TMEM132C: variants seen among roughly 807,000 people sequenced by gnomAD.
The protein encoded by TMEM132C is protein phosphatase 1, regulatory subunit 152.
Under a neutral mutation model 61.4 loss-of-function variants are expected in TMEM132C, and 29 were observed. That is an observed-to-expected ratio of 0.47 (90% CI 0.35 to 0.64). TMEM132C has a LOEUF of 0.64. TMEM132C is among the 30% of genes least tolerant of loss of function. TMEM132C has a pLI of 0.00. For synonymous variants in TMEM132C, 656 were observed against 633.1 expected (o/e 1.04, Z -0.54); for missense variants, 1,408 against 1,476.9 (o/e 0.95, Z 0.76).
At chr12:128,320,096 G>C (rs1301206658) in intron 1 of TMEM132C, among the ~76,000 whole-genome samples, 1 of 152,158 alleles carries the variant, frequency 6.6e-6, no homozygotes, top group African/African-American at 2.4e-5. Context: ...GCCAAAAGTT[G>C]TTAGTTAGGA....
At chr12:128,383,327 C>T (rs981071763) in intron 1 of TMEM132C, among the ~76,000 whole-genome samples, 20 of 152,148 alleles carry the variant, frequency 1.3e-4, no homozygotes, top group African/African-American at 4.8e-4. Context: ...TTTCAGCTTT[C>T]GCAATGGCCA....
chr12:128,495,193 C>T (rs1374165950), intron 2 of TMEM132C, among the ~76,000 whole-genome samples: 2 of 151,904 alleles, frequency 1.3e-5, no homozygotes, highest in African/African-American at 4.8e-5. Flanking sequence ...TTTGAGTGGT[C>T]TGAGAGACAG....
chr12:128,363,560 G>A (rs1171541136), intron 1 of TMEM132C, among the ~76,000 whole-genome samples: 1 of 152,094 alleles, frequency 6.6e-6, no homozygotes, highest in African/African-American at 2.4e-5. Flanking sequence ...ATAAGATGGG[G>A]TTCCTGGCCA....
intron 3 of TMEM132C, among the ~76,000 whole-genome samples, chr12:128,594,866 T>C (rs1023096846): frequency 3.9e-5 from 6 of 152,216 alleles, no homozygotes; most frequent in Non-Finnish European, 2.9e-5. Context: ...CTCCTAAGAA[T>C]GGCTTTTTCT....
chr12:128,385,972 C>T (rs1279904699), intron 1 of TMEM132C, among the ~76,000 whole-genome samples: 1 of 152,156 alleles, frequency 6.6e-6, no homozygotes, highest in Non-Finnish European at 1.5e-5. Context: ...AGTGCTCCCA[C>T]AGAGAGCTGG....
intron 3 of TMEM132C, among the ~76,000 whole-genome samples, chr12:128,566,189 C>CAAATAAAAA (rs1874693932): frequency 1.5e-5 from 1 of 67,858 alleles, no homozygotes; most frequent in African/African-American, 5.0e-5. Context: ...CAAGCCTAAC[C>CAAATAAAAA]AAAAAAAAAA....
At chr12:128,371,342 A>G (rs1463628368) in intron 1 of TMEM132C, among the ~76,000 whole-genome samples, 1 of 152,194 alleles carries the variant, frequency 6.6e-6, no homozygotes, top group Non-Finnish European at 1.5e-5. Context: ...CCAGGAAGGC[A>G]TATGACCCAC....
intron 4 of TMEM132C, among the ~76,000 whole-genome samples, chr12:128,623,415 A>G (rs920892617): frequency 1.3e-5 from 2 of 149,860 alleles, no homozygotes; most frequent in African/African-American, 4.9e-5. Context: ...AGTATAAAGT[A>G]TAATTTTATA....
rs147796902 is a variant in TMEM132C, at chr12:128,422,701, C to G, written c.974+7081C>G. ...GGCTTCTCAATCTCAATATCATCAG[C>G]GTTTGGGGCCAGCTAATTCTTTTGT... On this transcript the variant is annotated intron_variant, in intron 2 of 8. Transcript: ENST00000435159. Among the ~76,000 whole-genome samples the G allele has an allele frequency of 5.7e-4, 87 of 152,286 alleles. 1 individual carries two copies. Among genetic ancestry groups the G allele is most frequent in the Admixed American group, 4.1e-3 (63 of 15,302 alleles).
chr12:128,698,714 A>T (rs1334922395), intron 8 of TMEM132C, among the ~76,000 whole-genome samples: 1 of 152,218 alleles, frequency 6.6e-6, no homozygotes, highest in Non-Finnish European at 1.5e-5. Flanking sequence ...GACAGTCTTG[A>T]CTCAGAACAC....
At chr12:128,496,328 C>G (rs1291379257) in intron 2 of TMEM132C, among the ~76,000 whole-genome samples, 2 of 151,968 alleles carry the variant, frequency 1.3e-5, no homozygotes, top group Admixed American at 6.6e-5. Context: ...TGCTCTTCTC[C>G]AGGAGTATCT....
intron 2 of TMEM132C, among the ~76,000 whole-genome samples, chr12:128,526,609 A>C (rs2136131840): frequency 6.6e-6 from 1 of 152,370 alleles, no homozygotes; most frequent in Non-Finnish European, 1.5e-5. Context: ...ATCAACAAAA[A>C]GTATTAACTG....
rs568691640 is a variant in TMEM132C, at chr12:128,617,361, A to T, written c.1305+1026A>T. 6.6e-4 allele frequency among the ~76,000 whole-genome samples: 101 copies of T among 152,314 alleles called. 1 individual carries two copies. The highest frequency in any genetic ancestry group is 2.2e-3 in the African/African-American group (91 of 41,568). On this transcript the variant is annotated intron_variant, in intron 4 of 8. Coordinates refer to ENST00000435159, the MANE Select transcript of TMEM132C (RefSeq NM_001136103.3). ...CATGTCCAGCAAGAAATGAGTGGAA[A>T]CCTCACTGCCAATCACTCCAGCAAA...
At chr12:128,425,592 A>G (rs2136031647) in intron 2 of TMEM132C, among the ~76,000 whole-genome samples, 1 of 152,298 alleles carries the variant, frequency 6.6e-6, no homozygotes, top group East Asian at 1.9e-4. Flanking sequence ...GTGGCTTGAA[A>G]CAACAGAACT....
intron 4 of TMEM132C, among the ~76,000 whole-genome samples, chr12:128,665,845 G>A (rs1389592462): frequency 8.9e-4 from 82 of 92,552 alleles, no homozygotes; most frequent in African/African-American, 3.4e-3. Flanking sequence ...ACAAACACAG[G>A]CACACACACA....
intron 2 of TMEM132C, among the ~76,000 whole-genome samples, chr12:128,441,543 C>T (rs140658035): frequency 3.0e-4 from 46 of 152,284 alleles, no homozygotes; most frequent in African/African-American, 1.0e-3. Flanking sequence ...ATGGGAGACT[C>T]GGTGGCATGC....
rs559696918 is a variant in TMEM132C at position 128,617,401 on chromosome 12, G to A, written c.1305+1066G>A. On this transcript the variant is annotated intron_variant, in intron 4 of 8. Coordinates refer to ENST00000435159, the MANE Select transcript of TMEM132C (RefSeq NM_001136103.3). ...ACTCCAGCAAATCCTTTGGGACAGA[G>A]ACTGATTGGAACTGATTGGCTTGGG... Among the ~76,000 whole-genome samples the A allele has an allele frequency of 4.6e-5, 7 of 152,350 alleles. No homozygotes were observed. The South Asian group carries it at 8.3e-4, about 18-fold the overall frequency.
In TMEM132C at chr12:128,706,545, ACTG is replaced by A. The variant is rs1378979841; in HGVS notation, c.*252_*254del. ...TGGGGAGTGCAGACCAAGTTACTGA[ACTG>A]CACAGGCAAAATTAGGAAGGTTATT... On this transcript the variant is annotated 3_prime_UTR_variant, in exon 9 of 9. Transcript: ENST00000435159. 2.5e-6 allele frequency: 1 copy of A among 406,404 alleles called. No individual in the cohort carries two copies. The highest frequency in any genetic ancestry group is 4.3e-6 in the Non-Finnish European group (1 of 232,832). 25.2% of individuals were successfully genotyped at this position (406,404 alleles called of 1,614,324 possible).
intron 2 of TMEM132C, among the ~76,000 whole-genome samples, chr12:128,425,849 C>G (rs930489134): frequency 6.6e-6 from 1 of 152,118 alleles, no homozygotes; most frequent in African/African-American, 2.4e-5. Context: ...GAATTTGAGA[C>G]CCACCCTCAT....
Sources: gnomAD v4.1 joint callset for allele counts (sites outside exome capture counted in the v4.1 genomes callset) on GRCh38, gnomAD v4.1.1 for gene constraint, MANE v1.5 for transcripts, NCBI Gene and HGNC (gene_info 2026-07-23, HGNC 2026-07-21) for gene names.